Variants in USP9X observed in about 807,000 individuals in gnomAD.
USP9X encodes ubiquitin carboxyl-terminal hydrolase 9X.
Under a neutral mutation model 190.3 loss-of-function variants are expected in USP9X, and 7 were observed. The observed-to-expected ratio is 0.04, with a 90% CI of 0.02 to 0.07. USP9X has a LOEUF of 0.07. Among genes scored for constraint, USP9X ranks in the 10% least tolerant of loss-of-function variants. USP9X has a pLI of 1.00. For missense variants in USP9X, 1,010 were observed against 1,916.9 expected (o/e 0.53, Z 8.83); for synonymous variants, 645 against 659.5 (o/e 0.98, Z 0.34).
At chrX:41,181,272 C>CTTTTTT (rs769952292) in intron 21 of USP9X, among the ~76,000 whole-genome samples, 2 of 75,425 alleles carry the variant, frequency 2.7e-5, no homozygotes, top group Non-Finnish European at 2.5e-5. Context: ...TTTCTCATTT[C>CTTTTTT]TTTTTTTTTT....
At position 41,225,038 on chromosome X, in the gene USP9X, C is replaced by T. The variant is rs751924571; in HGVS notation, c.6973-11C>T. 1 of 1,209,167 alleles carries T rather than the reference C, an allele frequency of 8.3e-7. No individual in the cohort carries two copies. The highest frequency in any genetic ancestry group is 2.2e-5 in the Admixed American group (1 of 45,655). On this transcript the variant is annotated splice_polypyrimidine_tract_variant and intron_variant, in intron 40 of 44. Transcript: ENST00000378308. ...TCATTAAGTTACTCACCATGTCTTA[C>T]TTGTTTTTAGGTTGCATATTCCTAT...
At chrX:41,127,033 A>G (rs761341906) in intron 2 of USP9X, among the ~76,000 whole-genome samples, 13 of 111,070 alleles carry the variant, frequency 1.2e-4, no homozygotes, top group African/African-American at 3.9e-4. Flanking sequence ...GGAGGGTGCA[A>G]ATTTTCTGGA....
At chrX:41,203,943 C>T (rs1269304078) in intron 31 of USP9X, among the ~76,000 whole-genome samples, 1 of 111,704 alleles carries the variant, frequency 9.0e-6, no homozygotes, top group Non-Finnish European at 1.9e-5. Context: ...GGTGATCCAC[C>T]CACCTTGGCC....
rs181873154 is a variant in USP9X at position 41,127,779 on chromosome X, A to G, written c.97-1221A>G. Among the ~76,000 whole-genome samples the G allele has an allele frequency of 3.0e-3, 338 of 112,532 alleles. 1 individual carries two copies. Among genetic ancestry groups the G allele is most frequent in the Middle Eastern group, 0.014 (3 of 215 alleles). On this transcript the variant is annotated intron_variant, in intron 2 of 44. Coordinates refer to ENST00000378308, the MANE Select transcript of USP9X (RefSeq NM_001039591.3). ...CTCATCTGTCTTCGTGCAAGTGCTT[A>G]TTTATGCAACTCTTTATTTTACAAC... is the stretch of plus-strand genomic sequence containing the variant.
chrX:41,194,286 G>A (rs2062962960), intron 26 of USP9X, among the ~76,000 whole-genome samples: 1 of 112,113 alleles, frequency 8.9e-6, no homozygotes, highest in Admixed American at 9.5e-5. Context: ...TGGGCTCAGT[G>A]ACTCACGCCT....
At chrX:41,223,720 AG>A (rs2063286189) in intron 39 of USP9X, among the ~76,000 whole-genome samples, 1 of 111,838 alleles carries the variant, frequency 8.9e-6, no homozygotes, top group African/African-American at 3.2e-5. Flanking sequence ...TACAGGTGTG[AG>A]CCACCATGCC....
chrX:41,211,534 A>G lies in USP9X; in HGVS notation c.5189+852A>G, dbSNP rs186164691. ...TTTAAGGTATATTTGTATACAAAAC[A>G]TATCAAACCTATTGTAAAAAAAGAT... On this transcript the variant is annotated intron_variant, in intron 33 of 44. Transcript: ENST00000378308. Among the ~76,000 whole-genome samples, 831 of 113,658 alleles carry G rather than the reference A, an allele frequency of 7.3e-3. 9 individuals carry two copies. Among genetic ancestry groups the G allele is most frequent in the African/African-American group, 0.025 (793 of 31,416 alleles).
chrX:41,102,626 AAAG>A (rs1217502427), intron 1 of USP9X, among the ~76,000 whole-genome samples: 5 of 111,612 alleles, frequency 4.5e-5, no homozygotes, highest in Non-Finnish European at 9.4e-5. Flanking sequence ...GTCTCAAAAA[AAAG>A]AAAAAGTTAA....
chrX:41,196,095 T>C, intron 26 of USP9X, 156 bp from the exon 27 acceptor site: 1 of 577,854 alleles, frequency 1.7e-6, no homozygotes, highest in Non-Finnish European at 2.9e-6. Context: ...TTGGCTTGAG[T>C]GCTTGTTGTG....
Position 41,219,135 on chromosome X carries a change from C to A in USP9X, c.6469C>A (p.Leu2157Ile), listed in dbSNP as rs587777319. 4 of 1,208,310 alleles carry A rather than the reference C, an allele frequency of 3.3e-6. No homozygotes were observed. Among genetic ancestry groups the A allele is most frequent in the Non-Finnish European group, 4.5e-6 (4 of 894,331 alleles). ...YDNLSLSDHL[L>I]RAVLNLLRRE... ...CAACTTAAGCTTGAGTGATCACTTACTAAGAGCAGTACTAAATCTCTTGAG... is the reference window on the plus strand; with the variant it reads ...CAACTTAAGCTTGAGTGATCACTTAATAAGAGCAGTACTAAATCTCTTGAG... Residue 2157 changes from leucine (L) to isoleucine (I), a missense_variant, in exon 38 of 45, where the codon CTA (leucine) becomes ATA (isoleucine). By Grantham distance (5) the Leu-to-Ile change is conservative. Around this residue, in one of 11 missense-constraint regions of USP9X, gnomAD observed 121 missense variants for 281.2 expected, o/e 0.43. Coordinates refer to ENST00000378308, the MANE Select transcript of USP9X (RefSeq NM_001039591.3).
rs776138536 is a variant in USP9X, at chrX:41,210,680, T to C, written c.5187T>C (p.His1729=). Residue 1729 remains histidine (H), a splice_region_variant and synonymous_variant, in exon 33 of 45, where the codon CAT becomes CAC. Transcript: ENST00000378308. ...AGAAGATCTGCCAAGGCTGCCCACA[T>C]AGGTAAGTACTAATTACACATTGAA... ...ADQKICQGCP[H]RYECEESFTT... 4.1e-6 allele frequency: 5 copies of C among 1,209,966 alleles called. No homozygotes were observed. In the South Asian group the frequency reaches 8.8e-5, roughly 21 times the overall value.
intron 26 of USP9X, among the ~76,000 whole-genome samples, chrX:41,195,574 G>A (rs2062976723): frequency 9.0e-6 from 1 of 111,481 alleles, no homozygotes; most frequent in South Asian, 3.8e-4. Flanking sequence ...CAGTTTCATG[G>A]AAGACAATTT....
rs751881855 is a variant in USP9X at position 41,100,790 on chromosome X, G to A, written c.-159+14681G>A. On this transcript the variant is annotated intron_variant, in intron 1 of 44. Transcript: ENST00000378308. ...GCCTCCTCAGTAGCTGGGATTACTG[G>A]TGCCCACCACCACGCCCAGCTAATT... is the stretch of plus-strand genomic sequence containing the variant. Among the ~76,000 whole-genome samples, 4 of 110,718 alleles carry A rather than the reference G, an allele frequency of 3.6e-5. No individual in the cohort carries two copies. The South Asian group carries it at 1.2e-3, about 32-fold the overall frequency.
chrX:41,214,486 A>G, intron 33 of USP9X, 82 bp from the exon 34 acceptor site: 1 of 924,803 alleles, frequency 1.1e-6, no homozygotes, highest in Non-Finnish European at 1.4e-6. Flanking sequence ...TAAAAAAAAA[A>G]GGCAAATGTA....
intron 1 of USP9X, among the ~76,000 whole-genome samples, chrX:41,099,096 GTTTTTTTTTTTT>G (rs34179321): frequency 4.5e-5 from 2 of 44,266 alleles, no homozygotes; most frequent in South Asian, 1.9e-3. Flanking sequence ...CCAGATAATT[GTTTTTTTTTTTT>G]TTTTTTTTTT....
At chrX:41,205,861 TTTTTTCTTTTTTTCTTTTTC>T (rs541506115) in intron 32 of USP9X, among the ~76,000 whole-genome samples, 5,632 of 106,169 alleles carry the variant, frequency 0.053, 171 homozygotes, top group Middle Eastern at 0.09. Flanking sequence ...AACCTATTTT[TTTTTTCTTTTTTTCTTTTTC>T]TTTTTCTTTT....
At chrX:41,140,320 A>G (rs1465045423) in intron 6 of USP9X, among the ~76,000 whole-genome samples, 1 of 112,022 alleles carries the variant, frequency 8.9e-6, no homozygotes, top group Non-Finnish European at 1.9e-5. Flanking sequence ...CCTGAAAATT[A>G]TTTTAATATA....
chrX:41,197,591 G>A, intron 29 of USP9X, 81 bp downstream of exon 29: 3 of 856,200 alleles, frequency 3.5e-6, no homozygotes, highest in Non-Finnish European at 4.7e-6. Flanking sequence ...ATTTATAGTA[G>A]TATCATGTCT....
At chrX:41,176,531 CAG>C (rs1322699066) in intron 21 of USP9X, among the ~76,000 whole-genome samples, 8 of 111,533 alleles carry the variant, frequency 7.2e-5, no homozygotes, top group Non-Finnish European at 1.3e-4. Context: ...AAGATAGGCA[CAG>C]GGGGAAGTAG....
Sources: gnomAD v4.1 joint callset for allele counts (sites outside exome capture counted in the v4.1 genomes callset) on GRCh38, gnomAD v4.1.1 for gene constraint, gnomAD v4.1.1 regional missense constraint, MANE v1.5 for transcripts, NCBI Gene and HGNC (gene_info 2026-07-23, HGNC 2026-07-21) for gene names.